The following SNX18 variants were observed in gnomAD, a reference collection of about 807,000 sequenced individuals.
The protein encoded by SNX18 is sorting nexin-18.
In SNX18, 35 loss-of-function variants were observed where a neutral mutation model predicts 48.7. The observed-to-expected ratio is 0.72, with a 90% CI of 0.55 to 0.95. The LOEUF (loss-of-function observed/expected upper bound fraction) is 0.95. Ranked by LOEUF, SNX18 falls within the 40% of genes least tolerant of loss-of-function variation. SNX18 has a pLI of 0.00. For missense variants in SNX18, 824 were observed against 871.0 expected (o/e 0.95, Z 0.68); for synonymous variants, 492 against 384.7 (o/e 1.28, Z -3.26).
At chr5:54,594,247 TC>T in the SNX18 span, among the ~76,000 whole-genome samples, 2 of 152,230 alleles carry the variant, frequency 1.3e-5, no homozygotes, top group South Asian at 2.1e-4. Flanking sequence ...AGCAGATCAG[TC>T]TTTGCATGGA....
the SNX18 span, among the ~76,000 whole-genome samples, chr5:54,595,502 TGGGATTATAGGTGTG>T: frequency 9.2e-5 from 14 of 152,336 alleles, no homozygotes; most frequent in South Asian, 2.9e-3. Context: ...CCCAAAGTGC[TGGGATTATAGGTGTG>T]AGCCACCGCG....
At chr5:54,575,220 G>A in the SNX18 span, among the ~76,000 whole-genome samples, 17 of 151,878 alleles carry the variant, frequency 1.1e-4, no homozygotes, top group East Asian at 3.9e-4. Flanking sequence ...CCACCACGCC[G>A]GAGAGAAAGA....
the SNX18 span, among the ~76,000 whole-genome samples, chr5:54,624,111 C>T: frequency 1.3e-5 from 2 of 152,206 alleles, no homozygotes; most frequent in African/African-American, 2.4e-5. Flanking sequence ...AATCCATCAA[C>T]GTCCCATTCA....
intron 1 of SNX18, among the ~76,000 whole-genome samples, chr5:54,525,963 C>G (rs996622746): frequency 6.6e-6 from 1 of 152,166 alleles, no homozygotes; most frequent in African/African-American, 2.4e-5. Context: ...GCTTACCTCA[C>G]TAGGAACTTC....
chr5:54,571,227 C>A, the SNX18 span, among the ~76,000 whole-genome samples: 2 of 152,126 alleles, frequency 1.3e-5, no homozygotes, highest in East Asian at 3.9e-4. Context: ...GGGAAAGGAG[C>A]CAGGGCACCC....
chr5:54,637,182 C>T, the SNX18 span, among the ~76,000 whole-genome samples: 2 of 151,980 alleles, frequency 1.3e-5, no homozygotes, highest in Non-Finnish European at 2.9e-5. Flanking sequence ...AAGGGGAGAG[C>T]CATCATAAAA....
chr5:54,563,240 G>C, the SNX18 span, among the ~76,000 whole-genome samples: 155 of 152,232 alleles, frequency 1.0e-3, no homozygotes, highest in African/African-American at 3.5e-3. Flanking sequence ...GTCTACCATG[G>C]TGTACAGTAA....
At chr5:54,567,913 T>C in the SNX18 span, among the ~76,000 whole-genome samples, 1 of 152,194 alleles carries the variant, frequency 6.6e-6, no homozygotes, top group Non-Finnish European at 1.5e-5. Flanking sequence ...GAATGTTCTG[T>C]AGGACTGAGA....
At chr5:54,578,661 G>A in the SNX18 span, among the ~76,000 whole-genome samples, 1 of 152,192 alleles carries the variant, frequency 6.6e-6, no homozygotes, top group Admixed American at 6.5e-5. Flanking sequence ...GAGAGATGGT[G>A]ACAGAGAGAC....
intron 1 of SNX18, among the ~76,000 whole-genome samples, chr5:54,542,303 GCAA>G (rs1762486501): frequency 6.6e-6 from 1 of 152,146 alleles, no homozygotes; most frequent in Non-Finnish European, 1.5e-5. Context: ...CCCCACCCCT[GCAA>G]CACCCTCTGT....
chr5:54,576,319 C>T, the SNX18 span, among the ~76,000 whole-genome samples: 1 of 152,200 alleles, frequency 6.6e-6, no homozygotes, highest in Non-Finnish European at 1.5e-5. Context: ...AGTTATACAA[C>T]CACAGTAATG....
the SNX18 span, among the ~76,000 whole-genome samples, chr5:54,624,623 T>C: frequency 1.3e-5 from 2 of 152,226 alleles, no homozygotes. Flanking sequence ...CGTTTCAAAA[T>C]TGAACTGCAC....
the SNX18 span, among the ~76,000 whole-genome samples, chr5:54,616,784 A>G: frequency 5.3e-5 from 8 of 152,100 alleles, no homozygotes; most frequent in African/African-American, 1.9e-4. Context: ...AGAAAAAAAA[A>G]ATGTGCATCT....
the SNX18 span, among the ~76,000 whole-genome samples, chr5:54,572,772 ATATTTTTTTTTTTTTTT>A: frequency 2.2e-5 from 2 of 92,180 alleles, no homozygotes; most frequent in African/African-American, 8.9e-5. Context: ...ATATATATAT[ATATTTTTTTTTTTTTTT>A]TTTTTTTTTT....
At chr5:54,588,469 A>C in the SNX18 span, among the ~76,000 whole-genome samples, 4 of 151,612 alleles carry the variant, frequency 2.6e-5, no homozygotes, top group African/African-American at 4.8e-5. Flanking sequence ...CTGGGACCAC[A>C]GGCACCCACC....
the SNX18 span, among the ~76,000 whole-genome samples, chr5:54,580,892 T>C: frequency 6.6e-6 from 1 of 152,206 alleles, no homozygotes; most frequent in Non-Finnish European, 1.5e-5. Context: ...TGACCTTTGC[T>C]TCGGGGAAAC....
At chr5:54,592,603 A>G in the SNX18 span, among the ~76,000 whole-genome samples, 1 of 152,206 alleles carries the variant, frequency 6.6e-6, no homozygotes, top group South Asian at 2.1e-4. Flanking sequence ...ATCCGAGGAC[A>G]CTGACACTGT....
the SNX18 span, among the ~76,000 whole-genome samples, chr5:54,602,155 T>C: frequency 1.1e-3 from 173 of 152,174 alleles, no homozygotes; most frequent in African/African-American, 4.0e-3. Flanking sequence ...GATAAAGTGT[T>C]AGGAGATTTT....
the SNX18 span, among the ~76,000 whole-genome samples, chr5:54,642,760 G>C: frequency 1.3e-5 from 2 of 152,166 alleles, no homozygotes; most frequent in African/African-American, 4.8e-5. Context: ...CAGAAACCTG[G>C]AATGGCCTAC....
Sources: allele counts gnomAD v4.1 joint callset (sites outside exome capture counted in the v4.1 genomes callset), GRCh38; gene constraint gnomAD v4.1.1; transcripts MANE v1.5; gene names NCBI Gene and HGNC (gene_info 2026-07-23, HGNC 2026-07-21).